The following PDE4B variants were observed in gnomAD, a reference collection of about 807,000 sequenced individuals.
PDE4B encodes 3',5'-cyclic-AMP phosphodiesterase 4B.
Under a neutral mutation model 82.2 loss-of-function variants are expected in PDE4B, and 20 were observed. The observed-to-expected ratio is 0.24, with a 90% CI of 0.17 to 0.35. PDE4B has a LOEUF of 0.35. Ranked by LOEUF, PDE4B falls within the 10% of genes least tolerant of loss-of-function variation. The pLI is 1.00. For missense variants in PDE4B, 655 were observed against 907.2 expected (o/e 0.72, Z 3.57); for synonymous variants, 320 against 318.9 (o/e 1.00, Z -0.04).
intron 3 of PDE4B, among the ~76,000 whole-genome samples, chr1:66,200,862 G>A (rs1648855548): frequency 6.6e-6 from 1 of 152,046 alleles, no homozygotes; most frequent in Admixed American, 6.6e-5. Flanking sequence ...AATTGCCCTG[G>A]CCAGAACTTC....
At chr1:65,838,252 T>C (rs1251194973) in intron 1 of PDE4B, among the ~76,000 whole-genome samples, 1 of 152,048 alleles carries the variant, frequency 6.6e-6, no homozygotes, top group Non-Finnish European at 1.5e-5. Flanking sequence ...CACTAATGCA[T>C]TTGTTATTTT....
intron 3 of PDE4B, among the ~76,000 whole-genome samples, chr1:66,213,885 C>A (rs558133329): frequency 6.6e-6 from 1 of 152,262 alleles, no homozygotes; most frequent in African/African-American, 2.4e-5. Flanking sequence ...TTCATAACTA[C>A]ATAAAATCTT....
At chr1:66,363,315 T>C (rs1462131563) in intron 11 of PDE4B, 49 bp downstream of exon 11, 1 of 1,543,424 alleles carries the variant, frequency 6.5e-7, no homozygotes, top group South Asian at 1.2e-5. Context: ...TGGCTCTTTA[T>C]GATTTTTTTT....
intron 3 of PDE4B, among the ~76,000 whole-genome samples, chr1:66,140,287 C>T (rs185641480): frequency 1.3e-5 from 2 of 152,254 alleles, no homozygotes; most frequent in African/African-American, 2.4e-5. Flanking sequence ...CACTCGAAAC[C>T]GCCTCAGAGA....
chr1:65,991,734 G>T (rs79551184), intron 3 of PDE4B, among the ~76,000 whole-genome samples: 2 of 152,102 alleles, frequency 1.3e-5, no homozygotes, highest in Admixed American at 1.3e-4. Flanking sequence ...TCGCCTGTCC[G>T]TAAGTCTCAC....
intron 3 of PDE4B, among the ~76,000 whole-genome samples, chr1:66,217,576 C>T (rs552181622): frequency 1.3e-5 from 2 of 152,002 alleles, no homozygotes; most frequent in Non-Finnish European, 2.9e-5. Context: ...TCCCTTAGGT[C>T]ACAAAGATGG....
intron 3 of PDE4B, among the ~76,000 whole-genome samples, chr1:66,017,338 A>G: frequency 6.6e-6 from 1 of 152,190 alleles, no homozygotes; most frequent in African/African-American, 2.4e-5. Flanking sequence ...TATCCAGTAG[A>G]CCTAGCCTAT....
chr1:65,958,764 G>GCA (rs542680325), intron 3 of PDE4B, among the ~76,000 whole-genome samples: 11,274 of 150,960 alleles, frequency 0.075, 739 homozygotes, highest in Non-Finnish European at 0.11. Context: ...GCGCGCGCGC[G>GCA]CACACACATA....
At chr1:66,084,380 C>A (rs1436055183) in intron 3 of PDE4B, among the ~76,000 whole-genome samples, 1 of 152,114 alleles carries the variant, frequency 6.6e-6, no homozygotes, top group Non-Finnish European at 1.5e-5. Flanking sequence ...ACAGAAATTT[C>A]TCCCCATGCG....
chr1:65,940,837 A>G (rs1648406157), intron 3 of PDE4B, among the ~76,000 whole-genome samples: 1 of 152,096 alleles, frequency 6.6e-6, no homozygotes, highest in Non-Finnish European at 1.5e-5. Context: ...CAGACGAGAG[A>G]GTGAAATTTC....
intron 3 of PDE4B, chr1:66,152,409 G>A: frequency 9.5e-6 from 2 of 209,892 alleles, no homozygotes; most frequent in Admixed American, 4.3e-5. Context: ...AGATGAGCAG[G>A]CAGGGTGGCA....
chr1:66,350,294 C>T (rs559966933), intron 8 of PDE4B, among the ~76,000 whole-genome samples: 233 of 152,264 alleles, frequency 1.5e-3, no homozygotes, highest in Admixed American at 3.3e-3. Flanking sequence ...CACAATAAGG[C>T]GCCTGTCTCA....
At chr1:66,064,863 A>G (rs1266047732) in intron 3 of PDE4B, among the ~76,000 whole-genome samples, 2 of 150,092 alleles carry the variant, frequency 1.3e-5, no homozygotes, top group East Asian at 4.2e-4. Flanking sequence ...TCAGAGGTTA[A>G]AAAGAAAAAA....
At chr1:66,058,448 C>G (rs1214089299) in intron 3 of PDE4B, among the ~76,000 whole-genome samples, 3 of 152,238 alleles carry the variant, frequency 2.0e-5, no homozygotes, top group Non-Finnish European at 4.4e-5. Flanking sequence ...TGTGGGGGCT[C>G]TGACTACACA....
chr1:66,064,081 G>T lies in PDE4B; in HGVS notation c.281+145246G>T, dbSNP rs115676256. On this transcript the variant is annotated intron_variant, in intron 3 of 16. Transcript: ENST00000341517. ...ATAAGATAAGTTGTGAACAAAAACT[G>T]AGGTATGATTAAACGGAAGTAGATT... 8.4e-3 allele frequency among the ~76,000 whole-genome samples: 1,279 copies of T among 152,042 alleles called. 23 individuals are homozygous for T. The highest frequency in any genetic ancestry group is 0.029 in the African/African-American group (1,194 of 41,520).
At chr1:66,180,157 C>T (rs1458828649) in intron 3 of PDE4B, among the ~76,000 whole-genome samples, 4 of 151,994 alleles carry the variant, frequency 2.6e-5, no homozygotes. Context: ...AACATGTGAA[C>T]GAATACATGT....
chr1:65,996,794 A>C (rs566143639), intron 3 of PDE4B, among the ~76,000 whole-genome samples: 2 of 152,294 alleles, frequency 1.3e-5, no homozygotes, highest in South Asian at 4.1e-4. Context: ...GTTAGACGAT[A>C]TGAGAAAATA....
chr1:66,354,869 TA>T (rs1205815926), intron 8 of PDE4B: 1 of 1,535,806 alleles, frequency 6.5e-7, no homozygotes, highest in Non-Finnish European at 8.7e-7. Flanking sequence ...AATTATTTGT[TA>T]TCTGTATCTT....
chr1:66,012,311 A>G (rs115415063), intron 3 of PDE4B, among the ~76,000 whole-genome samples: 182 of 152,250 alleles, frequency 1.2e-3, no homozygotes, highest in African/African-American at 4.1e-3. Flanking sequence ...TAATGTTTCC[A>G]TCTGGTCCTC....
Sources: gnomAD v4.1 joint callset for allele counts (sites outside exome capture counted in the v4.1 genomes callset) on GRCh38, gnomAD v4.1.1 for gene constraint, MANE v1.5 for transcripts, NCBI Gene and HGNC (gene_info 2026-07-23, HGNC 2026-07-21) for gene names.